TUSC3: variants seen among roughly 807,000 people sequenced by gnomAD.
TUSC3 encodes tumor suppressor candidate 3, also known as dolichyl-diphosphooligosaccharide--protein glycosyltransferase subunit TUSC3.
TUSC3 carries 45 observed loss-of-function variants against 44.8 expected under a neutral mutation model. The observed-to-expected ratio is 1.00, with a 90% CI of 0.79 to 1.29. The LOEUF is 1.29. Ranked by LOEUF, TUSC3 falls within the 50% of genes most tolerant of loss-of-function variation. TUSC3 has a pLI of 0.00. For synonymous variants in TUSC3, 212 were observed against 152.9 expected, an observed-to-expected ratio of 1.39 and a Z score of -2.85; for missense variants, 519 against 437.9, an observed-to-expected ratio of 1.19 and a Z score of -1.65.
chr8:15,489,601 T>C (rs890766898), intron 2 of TUSC3, among the ~76,000 whole-genome samples: 4 of 152,222 alleles, frequency 2.6e-5, no homozygotes, highest in Non-Finnish European at 5.9e-5. Flanking sequence ...ATTTCATTTC[T>C]TTCAGGATCT....
chr8:15,618,186 TTACTGTACAC>T (rs1805078774), intron 1 of TUSC3, among the ~76,000 whole-genome samples: 1 of 152,192 alleles, frequency 6.6e-6, no homozygotes, highest in African/African-American at 2.4e-5. Context: ...GCCTGGGACG[TTACTGTACAC>T]TACTGTAGAC....
At chr8:15,574,054 T>C (rs1242013343) in intron 1 of TUSC3, among the ~76,000 whole-genome samples, 1 of 152,170 alleles carries the variant, frequency 6.6e-6, no homozygotes, top group Non-Finnish European at 1.5e-5. Flanking sequence ...ACTTTTTTGT[T>C]TGAATCCTTT....
At chr8:15,659,423 C>T (rs1807320404) in intron 3 of TUSC3, 84 bp from the exon 4 acceptor site, 15 of 1,523,210 alleles carry the variant, frequency 9.8e-6, no homozygotes, top group Admixed American at 7.5e-5. Context: ...GCTGTTTTCC[C>T]CGAATTTCTA....
At chr8:15,840,401 C>CCA in the TUSC3 span, among the ~76,000 whole-genome samples, 4,873 of 151,706 alleles carry the variant, frequency 0.032, 143 homozygotes, top group East Asian at 0.081. Context: ...CAATAAATAA[C>CCA]CACACACACA....
chr8:15,533,308 A>T (rs1801475865), intron 2 of TUSC3, among the ~76,000 whole-genome samples: 1 of 152,200 alleles, frequency 6.6e-6, no homozygotes, highest in South Asian at 2.1e-4. Flanking sequence ...GGGGTAGAGG[A>T]ATAGTCACTT....
At chr8:15,613,219 C>T (rs1336620274) in intron 1 of TUSC3, among the ~76,000 whole-genome samples, 2 of 145,996 alleles carry the variant, frequency 1.4e-5, no homozygotes, top group African/African-American at 2.6e-5. Context: ...ATTCATGTAA[C>T]ATGTCTTACA....
intron 7 of TUSC3, among the ~76,000 whole-genome samples, chr8:15,740,393 G>T (rs9694311): frequency 0.18 from 26,743 of 151,592 alleles, 2,345 homozygotes; most frequent in South Asian, 0.23. Flanking sequence ...CTACATGACA[G>T]AATAATTTAA....
chr8:15,574,449 AAC>A (rs1306513510), intron 1 of TUSC3, among the ~76,000 whole-genome samples: 1 of 152,082 alleles, frequency 6.6e-6, no homozygotes, highest in Non-Finnish European at 1.5e-5. Context: ...TATTCCCTAA[AAC>A]AGTGTTCCTC....
At chr8:15,621,446 TATC>T (rs1478303549) in intron 1 of TUSC3, among the ~76,000 whole-genome samples, 1 of 149,778 alleles carries the variant, frequency 6.7e-6, no homozygotes, top group Non-Finnish European at 1.5e-5. Flanking sequence ...AGAGATAAGT[TATC>T]ATTTTCAGTT....
At chr8:15,569,365 A>C (rs1160437799) in intron 1 of TUSC3, among the ~76,000 whole-genome samples, 2 of 152,168 alleles carry the variant, frequency 1.3e-5, no homozygotes, top group Non-Finnish European at 2.9e-5. Flanking sequence ...AATATAGATG[A>C]ATTGAGGTGA....
chr8:15,449,940 C>T (rs1389981321), intron 1 of TUSC3, among the ~76,000 whole-genome samples: 6 of 152,074 alleles, frequency 3.9e-5, no homozygotes, highest in Non-Finnish European at 5.9e-5. Flanking sequence ...TGCTGTACAG[C>T]TTTGTAGCCT....
chr8:15,647,556 G>T (rs1196300974), intron 2 of TUSC3, among the ~76,000 whole-genome samples: 1 of 152,124 alleles, frequency 6.6e-6, no homozygotes, highest in African/African-American at 2.4e-5. Flanking sequence ...TAGCTTCACA[G>T]ACTACAGCTT....
chr8:15,726,725 G>C (rs1242279802), intron 6 of TUSC3, among the ~76,000 whole-genome samples: 1 of 152,150 alleles, frequency 6.6e-6, no homozygotes, highest in Non-Finnish European at 1.5e-5. Flanking sequence ...ATAATCGTTT[G>C]AACCCAGGAG....
intron 2 of TUSC3, among the ~76,000 whole-genome samples, chr8:15,521,355 C>G (rs1801294775): frequency 6.6e-6 from 1 of 152,056 alleles, no homozygotes; most frequent in South Asian, 2.1e-4. Flanking sequence ...GGACCTGTCA[C>G]ACTACCAGAA....
intron 1 of TUSC3, among the ~76,000 whole-genome samples, chr8:15,440,831 A>AT (rs1313635022): frequency 3.9e-5 from 6 of 152,220 alleles, no homozygotes; most frequent in African/African-American, 1.2e-4. Context: ...ATGTTAATAC[A>AT]TACCAGCTTT....
At chr8:15,771,303 A>C (rs2721234), downstream of TUSC3, among the ~76,000 whole-genome samples, 4,336 of 152,270 alleles carry the variant, frequency 0.028, 186 homozygotes, top group African/African-American at 0.097. Context: ...TCAATTTCCT[A>C]TTATAATCCC....
chr8:15,647,965 T>A (rs1463048977), intron 2 of TUSC3, among the ~76,000 whole-genome samples: 1 of 152,208 alleles, frequency 6.6e-6, no homozygotes, highest in Non-Finnish European at 1.5e-5. Flanking sequence ...TATATCCCAG[T>A]ATCTCTCCAG....
chr8:15,434,963 C>G (rs1194993360), intron 1 of TUSC3, among the ~76,000 whole-genome samples: 1 of 149,802 alleles, frequency 6.7e-6, no homozygotes, highest in Non-Finnish European at 1.5e-5. Context: ...GGTTCCAAGT[C>G]TTTGCTGTTG....
intron 1 of TUSC3, among the ~76,000 whole-genome samples, chr8:15,428,934 G>A (rs1799837996): frequency 6.6e-6 from 1 of 152,198 alleles, no homozygotes; most frequent in Non-Finnish European, 1.5e-5. Context: ...TGTTCACTCT[G>A]ATGGTGGTTG....
Sources: gnomAD v4.1 joint callset for allele counts (sites outside exome capture counted in the v4.1 genomes callset) on GRCh38, gnomAD v4.1.1 for gene constraint, MANE v1.5 for transcripts, NCBI Gene and HGNC (gene_info 2026-07-23, HGNC 2026-07-21) for gene names.